WWOX: variants seen among roughly 807,000 people sequenced by gnomAD.
WWOX encodes the protein WW domain-containing oxidoreductase.
Under a neutral mutation model 46.2 loss-of-function variants are expected in WWOX, and 69 were observed. The ratio of observed to expected loss-of-function variants is 1.49; its 90% CI spans 1.23 to 1.82. The LOEUF is 1.82. Among genes scored for constraint, WWOX ranks in the 40% most tolerant of loss-of-function variants. The pLI, the probability that WWOX is intolerant of heterozygous loss-of-function variation, is 0.00. For synonymous variants in WWOX, 359 were observed against 202.6 expected (o/e 1.77, Z -6.56); for missense variants, 919 against 542.6 (o/e 1.69, Z -6.89).
chr16:78,291,806 G>A (rs1446926072), intron 5 of WWOX, among the ~76,000 whole-genome samples: 9 of 152,152 alleles, frequency 5.9e-5, no homozygotes, highest in Admixed American at 3.3e-4. Context: ...CCAAAAGACC[G>A]CTCCTTGAAA....
intron 8 of WWOX, among the ~76,000 whole-genome samples, chr16:78,490,910 C>G (rs1012860314): frequency 3.9e-5 from 6 of 152,168 alleles, no homozygotes; most frequent in African/African-American, 1.2e-4. Flanking sequence ...TAAAATGAAA[C>G]TGGCAGTGAG....
At chr16:78,322,625 C>G (rs1413921871) in intron 5 of WWOX, among the ~76,000 whole-genome samples, 1 of 152,220 alleles carries the variant, frequency 6.6e-6, no homozygotes, top group African/African-American at 2.4e-5. Context: ...TCTTCTGAAG[C>G]AACTCTTCAT....
intron 8 of WWOX, among the ~76,000 whole-genome samples, chr16:78,669,604 G>C (rs1486225923): frequency 6.6e-6 from 1 of 152,188 alleles, no homozygotes; most frequent in Non-Finnish European, 1.5e-5. Context: ...GCTGGAAGGT[G>C]AACAGGAACT....
chr16:79,145,303 C>T (rs984404297), intron 8 of WWOX, among the ~76,000 whole-genome samples: 9 of 152,134 alleles, frequency 5.9e-5, no homozygotes, highest in African/African-American at 1.9e-4. Flanking sequence ...ACCAACGAAA[C>T]AGCAATACTT....
chr16:78,659,597 G>A (rs1311974213), intron 8 of WWOX, among the ~76,000 whole-genome samples: 2 of 152,148 alleles, frequency 1.3e-5, no homozygotes, highest in South Asian at 4.2e-4. Context: ...TTTCCAAAGT[G>A]CACTTGCTTT....
intron 8 of WWOX, among the ~76,000 whole-genome samples, chr16:78,696,370 C>T (rs1053450044): frequency 1.1e-4 from 16 of 152,188 alleles, no homozygotes; most frequent in Non-Finnish European, 1.9e-4. Flanking sequence ...ACTCTATAGA[C>T]AGTCCCTGAC....
chr16:78,348,799 G>C lies in WWOX; in HGVS notation c.517-38061G>C, dbSNP rs1174353626. On this transcript the variant is annotated intron_variant, in intron 5 of 8. Coordinates refer to ENST00000566780, the MANE Select transcript of WWOX (RefSeq NM_016373.4). ...ATTCAGAAATTGGGAAGGAGGGTCAGGTAGCTATAAGCAAAATACAAGAGA... is the reference window on the plus strand; with the variant it reads ...ATTCAGAAATTGGGAAGGAGGGTCACGTAGCTATAAGCAAAATACAAGAGA... Among the ~76,000 whole-genome samples the C allele has an allele frequency of 1.7e-5, 2 of 120,714 alleles. 1 individual carries two copies. Among genetic ancestry groups the C allele is most frequent in the Non-Finnish European group, 4.0e-5 (2 of 50,526 alleles). The allele number at this position is 120,714 out of a possible 152,430, so 79.2% of individuals were successfully genotyped here.
chr16:78,744,740 C>G (rs912362716), intron 8 of WWOX, among the ~76,000 whole-genome samples: 2 of 152,028 alleles, frequency 1.3e-5, no homozygotes, highest in Admixed American at 6.6e-5. Context: ...CTATTACCAG[C>G]CTGCACTGCA....
chr16:78,949,736 G>A (rs760175273), intron 8 of WWOX, among the ~76,000 whole-genome samples: 1 of 152,174 alleles, frequency 6.6e-6, no homozygotes. Context: ...ACCTTGCGGG[G>A]CAAACACAAC....
chr16:78,901,912 G>A (rs552155310), intron 8 of WWOX, among the ~76,000 whole-genome samples: 6 of 152,316 alleles, frequency 3.9e-5, no homozygotes, highest in South Asian at 2.1e-4. Context: ...AGTGAGGGGC[G>A]TCCCTCCGCA....
intron 8 of WWOX, among the ~76,000 whole-genome samples, chr16:78,951,982 A>G (rs1232878126): frequency 6.6e-6 from 1 of 152,172 alleles, no homozygotes; most frequent in Non-Finnish European, 1.5e-5. Context: ...AAATGTGAGT[A>G]TGCCATTCTA....
rs188195244 is a variant in WWOX, at chr16:78,362,069, G to T, written c.517-24791G>T. 1.9e-3 allele frequency among the ~76,000 whole-genome samples: 290 copies of T among 149,378 alleles called. 1 individual carries two copies. The highest frequency in any genetic ancestry group is 7.0e-3 in the African/African-American group (283 of 40,588). On this transcript the variant is annotated intron_variant, in intron 5 of 8. Transcript: ENST00000566780. ...CTTCTATGAAGGACGCTATTTTAAT[G>T]GGGTGATTTTTTTCTTCTCACTACA...
chr16:78,372,803 T>C (rs537136058), intron 5 of WWOX, among the ~76,000 whole-genome samples: 1 of 152,248 alleles, frequency 6.6e-6, no homozygotes, highest in Non-Finnish European at 1.5e-5. Context: ...CACCAGTCTT[T>C]CCTAGACTTG....
chr16:78,549,485 A>C (rs912443517), intron 8 of WWOX, among the ~76,000 whole-genome samples: 6 of 152,156 alleles, frequency 3.9e-5, no homozygotes, highest in Non-Finnish European at 8.8e-5. Flanking sequence ...GGTTCAGAGA[A>C]AGTTGGATCG....
chr16:78,317,893 T>G lies in WWOX; in HGVS notation c.517-68967T>G, dbSNP rs144204276. Among the ~76,000 whole-genome samples, 745 of 152,354 alleles carry G rather than the reference T, an allele frequency of 4.9e-3. 6 individuals are homozygous for G. The highest frequency in any genetic ancestry group is 0.025 in the South Asian group (121 of 4,824). On this transcript the variant is annotated intron_variant, in intron 5 of 8. Transcript: ENST00000566780. ...CCCGTAAACATCTTCTGTTTCTGTT[T>G]TAGAAGACATTGCTAATCCCCTCAT...
chr16:78,527,242 C>A (rs931941812), intron 8 of WWOX, among the ~76,000 whole-genome samples: 1 of 151,764 alleles, frequency 6.6e-6, no homozygotes, highest in African/African-American at 2.4e-5. Flanking sequence ...TTCTTCTAAG[C>A]TGGTAGCAGA....
chr16:79,046,137 C>T (rs764724001), intron 8 of WWOX, among the ~76,000 whole-genome samples: 1 of 152,164 alleles, frequency 6.6e-6, no homozygotes, highest in Non-Finnish European at 1.5e-5. Flanking sequence ...GATAATAATC[C>T]TCCCTTGCAG....
rs145313316 is a variant in WWOX at position 78,143,499 on chromosome 16, G to A, written c.410-20684G>A. Among the ~76,000 whole-genome samples the A allele has an allele frequency of 3.6e-3, 551 of 152,264 alleles. 3 individuals carry two copies. The highest frequency in any genetic ancestry group is 0.036 in the South Asian group (171 of 4,812). On this transcript the variant is annotated intron_variant, in intron 4 of 8. Transcript: ENST00000566780. The stretch of plus-strand genomic sequence containing the variant: ...TTTTATTGGAACACGGGTGCTCATC[G>A]TTTACATATCGCCCATGGCTGCTTT...
chr16:79,169,497 T>C (rs1340675647), intron 8 of WWOX, among the ~76,000 whole-genome samples: 1 of 152,224 alleles, frequency 6.6e-6, no homozygotes, highest in Non-Finnish European at 1.5e-5. Flanking sequence ...AAGCCTTTTT[T>C]GCATTTCCTT....
Sources: gnomAD v4.1 joint callset for allele counts (sites outside exome capture counted in the v4.1 genomes callset) on GRCh38, gnomAD v4.1.1 for gene constraint, MANE v1.5 for transcripts, NCBI Gene and HGNC (gene_info 2026-07-23, HGNC 2026-07-21) for gene names.